The following GIGYF2 variants were observed in gnomAD, a reference collection of about 807,000 sequenced individuals.
GIGYF2 encodes the protein GRB10-interacting GYF protein 2.
In GIGYF2, 25 loss-of-function variants were observed where a neutral mutation model predicts 208.1. The observed-to-expected ratio is 0.12, with a 90% CI of 0.09 to 0.17. The LOEUF (loss-of-function observed/expected upper bound fraction) is 0.17, where lower values mean the gene tolerates loss of function less well. GIGYF2 is among the 10% of genes least tolerant of loss of function. The probability of loss-of-function intolerance (pLI) is 1.00; values close to 1 mark genes in which losing one functional copy is unlikely to be tolerated. For missense variants in GIGYF2, 1,302 were observed against 1,579.4 expected (o/e 0.82, Z 2.98); for synonymous variants, 534 against 543.8 (o/e 0.98, Z 0.25).
chr2:232,850,594 G>T (rs1007668811), intron 28 of GIGYF2, among the ~76,000 whole-genome samples, 185 bp downstream of exon 28: 13 of 152,300 alleles, frequency 8.5e-5, no homozygotes, highest in Admixed American at 5.9e-4. Context: ...CAGGACCTGT[G>T]CCTCATGTAA....
chr2:232,765,363 G>C (rs1423073474), intron 8 of GIGYF2: 1 of 152,746 alleles, frequency 6.5e-6, no homozygotes, highest in African/African-American at 2.4e-5. Context: ...CATTAAGACA[G>C]TTCAAGTACT....
chr2:232,789,908 G>T (rs1333433099), intron 9 of GIGYF2, among the ~76,000 whole-genome samples: 3 of 151,984 alleles, frequency 2.0e-5, no homozygotes, highest in Non-Finnish European at 4.4e-5. Flanking sequence ...GGGAAATGTA[G>T]ATTTGGGAAT....
intron 9 of GIGYF2, 150 bp from the exon 10 acceptor site, chr2:232,790,548 C>T (rs1700039884): frequency 5.4e-6 from 4 of 738,870 alleles, no homozygotes; most frequent in Admixed American, 1.9e-5. Context: ...CTCTGAACTT[C>T]ATTTAGTTGC....
chr2:232,704,675 G>T (rs796270387), intron 2 of GIGYF2, among the ~76,000 whole-genome samples: 5 of 152,162 alleles, frequency 3.3e-5, no homozygotes, highest in African/African-American at 1.2e-4. Flanking sequence ...GGGATTACAG[G>T]TGTGAGCCAC....
At chr2:232,710,012 TG>T (rs1231495590) in intron 2 of GIGYF2, among the ~76,000 whole-genome samples, 1 of 151,884 alleles carries the variant, frequency 6.6e-6, no homozygotes, top group African/African-American at 2.4e-5. Flanking sequence ...CAGGCTGGAG[TG>T]CAGTGGCGTG....
intron 2 of GIGYF2, among the ~76,000 whole-genome samples, chr2:232,728,181 G>A (rs1697294943): frequency 6.6e-6 from 1 of 152,164 alleles, no homozygotes; most frequent in Non-Finnish European, 1.5e-5. Context: ...GAAGGAAAAT[G>A]CAGTGGACGG....
At chr2:232,769,236 T>C (rs1699115410) in intron 8 of GIGYF2, among the ~76,000 whole-genome samples, 2 of 152,070 alleles carry the variant, frequency 1.3e-5, no homozygotes, top group Admixed American at 1.3e-4. Flanking sequence ...ACCAATAGAA[T>C]GAGTGATATT....
intron 5 of GIGYF2, 140 bp from the exon 6 acceptor site, chr2:232,756,083 C>T (rs773825788): frequency 8.3e-6 from 5 of 602,596 alleles, no homozygotes; most frequent in Admixed American, 3.1e-5. Context: ...TTATGGTTTT[C>T]CATTGCTAGT....
At chr2:232,704,115 C>T (rs1695976729) in intron 2 of GIGYF2, among the ~76,000 whole-genome samples, 1 of 152,064 alleles carries the variant, frequency 6.6e-6, no homozygotes, top group Admixed American at 6.6e-5. Context: ...TAGTTATGGA[C>T]ATAGGGTTGG....
intron 8 of GIGYF2, among the ~76,000 whole-genome samples, chr2:232,766,217 AGT>A (rs1698957792): frequency 6.6e-6 from 1 of 152,208 alleles, no homozygotes; most frequent in Non-Finnish European, 1.5e-5. Flanking sequence ...AGATTTATAA[AGT>A]GTTTATTAAA....
chr2:232,810,867 T>G, intron 16 of GIGYF2: 1 of 250,390 alleles, frequency 4.0e-6, no homozygotes. Flanking sequence ...CGTCATATGG[T>G]TAAAGCTACT....
intron 28 of GIGYF2, among the ~76,000 whole-genome samples, chr2:232,854,049 A>G (rs1690458170): frequency 2.0e-5 from 3 of 152,220 alleles, no homozygotes. Context: ...TCTTTTGCAT[A>G]TAGTTCATTA....
At chr2:232,828,055 C>T (rs1701303640) in intron 21 of GIGYF2, among the ~76,000 whole-genome samples, 1 of 152,060 alleles carries the variant, frequency 6.6e-6, no homozygotes, top group South Asian at 2.1e-4. Flanking sequence ...GTGGTATAGT[C>T]ACAGCTCATT....
In GIGYF2 at chr2:232,780,648, C is replaced by A. The variant is rs142345473; in HGVS notation, c.533-6502C>A. Among the ~76,000 whole-genome samples the A allele has an allele frequency of 3.0e-3, 461 of 152,302 alleles. 1 individual carries two copies. The highest frequency in any genetic ancestry group is 0.011 in the African/African-American group (446 of 41,570). On this transcript the variant is annotated intron_variant, in intron 8 of 28. Coordinates refer to ENST00000373563, the MANE Select transcript of GIGYF2 (RefSeq NM_001103146.3). ...GACTGTAGATTAAGAATATTTGGTT[C>A]AGGCATGAGTTTGTAAATAATTCAA...
intron 2 of GIGYF2, among the ~76,000 whole-genome samples, 196 bp downstream of exon 2, chr2:232,703,685 AT>A (rs752583451): frequency 1.1e-4 from 16 of 152,168 alleles, no homozygotes; most frequent in Non-Finnish European, 2.2e-4. Flanking sequence ...CCTGGTGTGA[AT>A]TTGTGTCTTA....
chr2:232,752,382 A>C (rs1486735016), intron 5 of GIGYF2, among the ~76,000 whole-genome samples: 1 of 152,106 alleles, frequency 6.6e-6, no homozygotes, highest in Non-Finnish European at 1.5e-5. Flanking sequence ...AAGTTACCTG[A>C]AATACGTATT....
At chr2:232,730,208 T>G in intron 2 of GIGYF2, 1 of 1,283,110 alleles carries the variant, frequency 7.8e-7, no homozygotes, top group South Asian at 1.2e-5. Context: ...TGGCATCAGC[T>G]GTACCTGAGA....
Position 232,794,780 on chromosome 2 carries a change from C to A in GIGYF2, c.1315C>A (p.Gln439Lys). ...MVADVQQPLS[Q>K]IPSDTASPLL... ...TGCTGATGTCCAGCAGCCCCTGTCG[C>A]AGATTCCTTCAGATACAGCCTCTCC... The change falls in exon 13 of 29, where the codon CAG (glutamine) becomes AAG (lysine). Residue 439 changes from glutamine (Q) to lysine (K), a missense_variant. Around this residue, in one of 8 missense-constraint regions of GIGYF2, gnomAD observed 235 missense variants for 218.8 expected, o/e 1.07. Coordinates refer to ENST00000373563, the MANE Select transcript of GIGYF2 (RefSeq NM_001103146.3). The A allele has an allele frequency of 6.2e-7, 1 of 1,613,898 alleles. No homozygotes were observed. The highest frequency in any genetic ancestry group is 8.5e-7 in the Non-Finnish European group (1 of 1,179,830).
Position 232,719,910 on chromosome 2 carries a change from TG to T in GIGYF2, c.-43-15244del, listed in dbSNP as rs898014205. Among the ~76,000 whole-genome samples, 180 of 152,188 alleles carry T rather than the reference TG, an allele frequency of 1.2e-3. 3 individuals carry two copies. Among genetic ancestry groups the T allele is most frequent in the African/African-American group, 4.1e-3 (169 of 41,486 alleles). On this transcript the variant is annotated intron_variant, in intron 2 of 28. Transcript: ENST00000373563. ...AGTTATGTAGAAATATTCTCTCAGC[TG>T]TTTTTTTTTTGTTATAGATTAAGTT...
Sources: allele counts gnomAD v4.1 joint callset (sites outside exome capture counted in the v4.1 genomes callset), GRCh38; gene constraint gnomAD v4.1.1; regional missense constraint gnomAD v4.1.1; transcripts MANE v1.5; gene names NCBI Gene and HGNC (gene_info 2026-07-23, HGNC 2026-07-21).